The following RIMS2 variants were observed in gnomAD, a reference collection of about 807,000 sequenced individuals.
RIMS2 encodes the protein regulating synaptic membrane exocytosis protein 2.
Under a neutral mutation model 174.4 loss-of-function variants are expected in RIMS2, and 59 were observed. The ratio of observed to expected loss-of-function variants is 0.34; its 90% CI spans 0.27 to 0.42. RIMS2 has a LOEUF of 0.42. Among genes scored for constraint, RIMS2 ranks in the 10% least tolerant of loss-of-function variants. The pLI is 1.00. For synonymous variants in RIMS2, 606 were observed against 572.5 expected, an observed-to-expected ratio of 1.06 and a Z score of -0.84; for missense variants, 1,620 against 1,666.3, an observed-to-expected ratio of 0.97 and a Z score of 0.48.
chr8:103,611,748 C>CA (rs1254057628), intron 1 of RIMS2, among the ~76,000 whole-genome samples: 1 of 151,876 alleles, frequency 6.6e-6, no homozygotes, highest in Non-Finnish European at 1.5e-5. Flanking sequence ...AATGCCTTGA[C>CA]ATCGTCTTCT....
chr8:103,846,025 C>T (rs762554450), intron 3 of RIMS2, among the ~76,000 whole-genome samples: 16 of 152,248 alleles, frequency 1.1e-4, no homozygotes, highest in Non-Finnish European at 2.4e-4. Context: ...CCTTTTGTCT[C>T]ACCTTGATTC....
intron 1 of RIMS2, among the ~76,000 whole-genome samples, chr8:103,661,775 G>T (rs2096604292): frequency 1.3e-5 from 2 of 152,178 alleles, no homozygotes; most frequent in Non-Finnish European, 2.9e-5. Flanking sequence ...AACGTGCTAG[G>T]ATTACAGGCG....
Position 104,186,490 on chromosome 8 carries a change from G to A in RIMS2, c.3335-58426G>A, listed in dbSNP as rs77539039. On this transcript the variant is annotated intron_variant, in intron 19 of 23. Coordinates refer to ENST00000504942, the Ensembl canonical transcript of RIMS2. Reference sequence around the variant, plus strand: ...AAATATTTCTACTACTCTTTACTCCGAGGGGTTTGACTTCTAGCAATGCCA... The same window carrying A: ...AAATATTTCTACTACTCTTTACTCCAAGGGGTTTGACTTCTAGCAATGCCA... Among the ~76,000 whole-genome samples the A allele has an allele frequency of 6.0e-3, 907 of 151,534 alleles. 7 individuals are homozygous for A. Among genetic ancestry groups the A allele is most frequent in the African/African-American group, 0.02 (838 of 41,382 alleles).
At chr8:103,724,008 A>G (rs952052010) in intron 2 of RIMS2, among the ~76,000 whole-genome samples, 1 of 152,060 alleles carries the variant, frequency 6.6e-6, no homozygotes, top group African/African-American at 2.4e-5. Flanking sequence ...AAGGCCTGAT[A>G]CTGGGGTACC....
At chr8:103,669,992 G>GTAGAGGT (rs1271561140) in intron 1 of RIMS2, among the ~76,000 whole-genome samples, 15 of 152,226 alleles carry the variant, frequency 9.9e-5, no homozygotes, top group Admixed American at 2.0e-4. Flanking sequence ...CACTGCCATA[G>GTAGAGGT]TAGAGGTTCT....
intron 1 of RIMS2, among the ~76,000 whole-genome samples, chr8:103,533,064 A>C: frequency 6.6e-6 from 1 of 152,380 alleles, no homozygotes; most frequent in East Asian, 1.9e-4. Context: ...TTAGAATATT[A>C]AAGTGGAATA....
chr8:103,953,332 T>C (rs969636060), intron 14 of RIMS2, among the ~76,000 whole-genome samples: 2 of 152,034 alleles, frequency 1.3e-5, no homozygotes, highest in East Asian at 1.9e-4. Flanking sequence ...AAGGAAAAAC[T>C]GTTAAGGGCA....
intron 1 of RIMS2, among the ~76,000 whole-genome samples, chr8:103,583,736 AAAAC>A (rs879509777): frequency 3.0e-4 from 46 of 152,310 alleles, no homozygotes; most frequent in South Asian, 1.0e-3. Flanking sequence ...ATAGAAAAGA[AAAAC>A]AAACAAACAA....
intron 3 of RIMS2, among the ~76,000 whole-genome samples, chr8:103,855,417 G>C (rs1433548436): frequency 1.3e-5 from 2 of 151,678 alleles, no homozygotes; most frequent in Non-Finnish European, 2.9e-5. Context: ...CATTCTTTTT[G>C]TTGTAGTTCC....
chr8:104,251,617 G>C, exon 24 of RIMS2: 1 of 1,599,500 alleles, frequency 6.3e-7, no homozygotes, highest in Non-Finnish European at 8.6e-7. Flanking sequence ...CGTCTGGGGA[G>C]ATTATGGCCG....
At chr8:104,126,859 A>T (rs2098436072) in intron 19 of RIMS2, among the ~76,000 whole-genome samples, 1 of 152,164 alleles carries the variant, frequency 6.6e-6, no homozygotes, top group Non-Finnish European at 1.5e-5. Context: ...TTATTTCCTT[A>T]GTACTTTTCA....
At chr8:104,205,070 G>A (rs527563730) in intron 19 of RIMS2, among the ~76,000 whole-genome samples, 2 of 152,160 alleles carry the variant, frequency 1.3e-5, no homozygotes, top group Non-Finnish European at 2.9e-5. Context: ...GTGAGAGACA[G>A]AGTTTACCTT....
chr8:103,997,772 A>G (rs2095192423), intron 17 of RIMS2, among the ~76,000 whole-genome samples: 1 of 151,718 alleles, frequency 6.6e-6, no homozygotes, highest in Admixed American at 6.6e-5. Context: ...TAAAAGAGAA[A>G]TAGTTACCTT....
At chr8:103,725,320 A>G (rs909227767) in intron 2 of RIMS2, among the ~76,000 whole-genome samples, 10 of 152,186 alleles carry the variant, frequency 6.6e-5, no homozygotes, top group African/African-American at 1.9e-4. Context: ...CAATGTGCCT[A>G]GCACCACATC....
chr8:103,954,448 T>TC (rs2086471135), intron 14 of RIMS2, among the ~76,000 whole-genome samples: 1 of 152,160 alleles, frequency 6.6e-6, no homozygotes. Context: ...ATTAAGAAAC[T>TC]CACTCAAAAC....
At chr8:103,983,248 G>A (rs561523350) in intron 16 of RIMS2, among the ~76,000 whole-genome samples, 2 of 152,130 alleles carry the variant, frequency 1.3e-5, no homozygotes, top group South Asian at 2.1e-4. Flanking sequence ...ATTGAAGATG[G>A]CACACACAAA....
Position 104,109,209 on chromosome 8 carries a change from A to C in RIMS2, c.3334+94594A>C, listed in dbSNP as rs573876716. On this transcript the variant is annotated intron_variant, in intron 19 of 23. Transcript: ENST00000504942. ...CTACTCCGGAGGCCGAGGCAGGAGAATGGCATGAACCTGGGAGGTGGAGCT... is the reference window on the plus strand; with the variant it reads ...CTACTCCGGAGGCCGAGGCAGGAGACTGGCATGAACCTGGGAGGTGGAGCT... Among the ~76,000 whole-genome samples, 4 of 149,568 alleles carry C rather than the reference A, an allele frequency of 2.7e-5. No individual in the cohort carries two copies. The East Asian group carries it at 8.2e-4, about 30-fold the overall frequency.
intron 3 of RIMS2, among the ~76,000 whole-genome samples, chr8:103,850,353 C>T (rs2098990851): frequency 6.6e-6 from 1 of 151,928 alleles, no homozygotes; most frequent in African/African-American, 2.4e-5. Flanking sequence ...ATAATATATA[C>T]TTGGTATTGA....
At chr8:104,159,909 C>T (rs923349057) in intron 19 of RIMS2, among the ~76,000 whole-genome samples, 6 of 152,074 alleles carry the variant, frequency 3.9e-5, no homozygotes, top group African/African-American at 1.2e-4. Flanking sequence ...GAGGCCAAGG[C>T]GGGCCGATCA....
Sources: allele counts gnomAD v4.1 joint callset (sites outside exome capture counted in the v4.1 genomes callset), GRCh38; gene constraint gnomAD v4.1.1; transcripts MANE v1.5; gene names NCBI Gene and HGNC (gene_info 2026-07-23, HGNC 2026-07-21).